Variants in MALRD1 observed in about 807,000 individuals in gnomAD.
MALRD1 encodes the protein MAM and LDL receptor class A domain containing 1.
In MALRD1, 247 loss-of-function variants were observed where a neutral mutation model predicts 242.1. The observed-to-expected ratio is 1.02, with a 90% CI of 0.92 to 1.13. MALRD1 has a LOEUF of 1.13. MALRD1 is among the 50% of genes most tolerant of loss of function. The pLI, the probability that MALRD1 is intolerant of heterozygous loss-of-function variation, is 0.00. For synonymous variants in MALRD1, 995 were observed against 866.6 expected, an observed-to-expected ratio of 1.15 and a Z score of -2.60; for missense variants, 2,989 against 2,533.1, an observed-to-expected ratio of 1.18 and a Z score of -3.86.
chr10:19,149,077 CATCT>C (rs10657245), intron 11 of MALRD1, among the ~76,000 whole-genome samples: 6,678 of 143,966 alleles, frequency 0.046, 163 homozygotes, highest in Middle Eastern at 0.064. Context: ...TCTATCTGTC[CATCT>C]ATCTATCTAT....
rs935729992 is a variant in MALRD1 at position 19,491,616 on chromosome 10, G to A, written c.5129G>A (p.Cys1710Tyr). 2 of 1,549,868 alleles carry A rather than the reference G, an allele frequency of 1.3e-6. No homozygotes were observed. The highest frequency in any genetic ancestry group is 1.7e-6 in the Non-Finnish European group (2 of 1,146,772). Residue 1710 changes from cysteine to tyrosine, a missense_variant, in exon 30 of 40, where the codon TGC becomes TAC. Transcript: ENST00000454679. Reference protein sequence around the residue: ...SHLLCDYKPDCSDRSDEAHCA... With the variant: ...SHLLCDYKPDYSDRSDEAHCA... ...CTTCTTTGTGACTATAAGCCAGACT[G>A]CTCTGATAGGTCTGATGAAGCTCAC... is the stretch of plus-strand genomic sequence containing the variant.
At chr10:19,583,740 A>C (rs1026565059) in intron 33 of MALRD1, among the ~76,000 whole-genome samples, 11 of 151,550 alleles carry the variant, frequency 7.3e-5, no homozygotes, top group African/African-American at 2.4e-4. Flanking sequence ...TGGCCTCATA[A>C]AATGAGTTAG....
chr10:19,636,932 A>T (rs1854074), intron 36 of MALRD1, among the ~76,000 whole-genome samples: 85,000 of 149,016 alleles, frequency 0.57, 24,422 homozygotes, highest in African/African-American at 0.7. Flanking sequence ...AGATTTTTTT[A>T]AAAAATATGA....
chr10:19,193,553 CA>C (rs1030263621), intron 14 of MALRD1, among the ~76,000 whole-genome samples: 7 of 151,710 alleles, frequency 4.6e-5, no homozygotes, highest in African/African-American at 1.5e-4. Flanking sequence ...GACCCCATCT[CA>C]AAAAAACAAA....
chr10:19,567,734 G>A (rs1389805156), intron 33 of MALRD1, 31 bp downstream of exon 33: 1 of 1,531,098 alleles, frequency 6.5e-7, no homozygotes, highest in Non-Finnish European at 8.8e-7. Context: ...ATGGGAATAA[G>A]TATTTGTTTT....
chr10:19,464,540 T>C (rs999463042), intron 29 of MALRD1, among the ~76,000 whole-genome samples: 1 of 152,208 alleles, frequency 6.6e-6, no homozygotes, highest in African/African-American at 2.4e-5. Flanking sequence ...GGTTTATTTA[T>C]TGGTTCTCTA....
At chr10:19,119,605 G>A (rs905177694) in intron 5 of MALRD1, among the ~76,000 whole-genome samples, 3 of 152,152 alleles carry the variant, frequency 2.0e-5, no homozygotes, top group African/African-American at 7.2e-5. Flanking sequence ...GATGGTGCCA[G>A]TTGATCCATC....
At position 19,706,430 on chromosome 10, in the gene MALRD1, G is replaced by T. The variant is rs184289157; in HGVS notation, c.6314+13876G>T. Among the ~76,000 whole-genome samples, 320 of 151,970 alleles carry T rather than the reference G, an allele frequency of 2.1e-3. 4 individuals carry two copies. The highest frequency in any genetic ancestry group is 7.2e-3 in the African/African-American group (297 of 41,452). On this transcript the variant is annotated intron_variant, in intron 38 of 39. Coordinates refer to ENST00000454679, the MANE Select transcript of MALRD1 (RefSeq NM_001142308.3). Reference sequence around the variant, plus strand: ...GCAACCTCTGCCCCCGCCCCCCTTGGCCCCGGGTTCAAGTGATTCTCCTGC... The same window carrying T: ...GCAACCTCTGCCCCCGCCCCCCTTGTCCCCGGGTTCAAGTGATTCTCCTGC...
At chr10:19,263,427 A>G (rs930026141) in intron 19 of MALRD1, among the ~76,000 whole-genome samples, 4 of 151,750 alleles carry the variant, frequency 2.6e-5, no homozygotes, top group Admixed American at 6.6e-5. Flanking sequence ...CCTGTTGTCT[A>G]TGTCTTCTTT....
In MALRD1 at chr10:19,108,647, G is replaced by A. The variant is rs1446762814; in HGVS notation, c.694+4572G>A. 1.5e-4 allele frequency among the ~76,000 whole-genome samples: 4 copies of A among 27,396 alleles called. 1 individual carries two copies. The highest frequency in any genetic ancestry group is 2.4e-4 in the Non-Finnish European group (4 of 16,778). 18.0% of individuals were successfully genotyped at this position (27,396 alleles called of 152,430 possible). On this transcript the variant is annotated intron_variant, in intron 5 of 39. Coordinates refer to ENST00000454679, the MANE Select transcript of MALRD1 (RefSeq NM_001142308.3). ...TTAGCCAGGATGGTCTCGATCTCCT[G>A]ACCTCATGATCCACCCGCCTCGGCC...
chr10:19,253,204 T>G (rs1410640093), intron 18 of MALRD1, among the ~76,000 whole-genome samples: 2 of 151,944 alleles, frequency 1.3e-5, no homozygotes, highest in Non-Finnish European at 2.9e-5. Flanking sequence ...GTATTTGTCC[T>G]CTAGGAAATT....
chr10:19,217,791 T>C (rs1837388132), intron 18 of MALRD1, among the ~76,000 whole-genome samples: 1 of 152,216 alleles, frequency 6.6e-6, no homozygotes, highest in African/African-American at 2.4e-5. Context: ...CCCAAAGTGC[T>C]GGGATTACAG....
intron 36 of MALRD1, among the ~76,000 whole-genome samples, chr10:19,618,100 G>T (rs1482871594): frequency 6.6e-6 from 1 of 151,940 alleles, no homozygotes; most frequent in East Asian, 1.9e-4. Flanking sequence ...CTGTTCCTGC[G>T]TTAGTTTGCT....
intron 18 of MALRD1, among the ~76,000 whole-genome samples, chr10:19,213,745 T>G (rs1837177499): frequency 6.6e-6 from 1 of 152,236 alleles, no homozygotes; most frequent in African/African-American, 2.4e-5. Context: ...TCAGATATGG[T>G]GACTTTTATC....
chr10:19,296,301 T>A (rs1703957289), intron 21 of MALRD1, among the ~76,000 whole-genome samples: 1 of 152,158 alleles, frequency 6.6e-6, no homozygotes, highest in South Asian at 2.1e-4. Context: ...CTGCCAGAAT[T>A]ACAGTCCTTT....
At chr10:19,161,550 C>CAAAAAAAAAAAAAAAAAAAAAA in intron 12 of MALRD1, among the ~76,000 whole-genome samples, 4 of 60,840 alleles carry the variant, frequency 6.6e-5, no homozygotes, top group Admixed American at 2.0e-4. Context: ...AAAAAAAAAG[C>CAAAAAAAAAAAAAAAAAAAAAA]AAAAAAAAAA....
intron 31 of MALRD1, among the ~76,000 whole-genome samples, chr10:19,516,302 A>C (rs1268954614): frequency 6.6e-6 from 1 of 152,172 alleles, no homozygotes; most frequent in Non-Finnish European, 1.5e-5. Context: ...TTTTTCAGCC[A>C]ATGTAAGAGA....
At chr10:19,645,677 A>G (rs888991400) in intron 36 of MALRD1, among the ~76,000 whole-genome samples, 3 of 152,024 alleles carry the variant, frequency 2.0e-5, no homozygotes, top group Non-Finnish European at 2.9e-5. Flanking sequence ...GAATTGAACA[A>G]TGAGAACACA....
At chr10:19,553,501 A>C (rs1429285692) in intron 32 of MALRD1, among the ~76,000 whole-genome samples, 3 of 152,122 alleles carry the variant, frequency 2.0e-5, no homozygotes, top group Non-Finnish European at 4.4e-5. Context: ...AAAAAATTTT[A>C]TACTTTTCAT....
Sources: gnomAD v4.1 joint callset for allele counts (sites outside exome capture counted in the v4.1 genomes callset) on GRCh38, gnomAD v4.1.1 for gene constraint, MANE v1.5 for transcripts, NCBI Gene and HGNC (gene_info 2026-07-23, HGNC 2026-07-21) for gene names.